The following RIMS2 variants were observed in gnomAD, a reference collection of about 807,000 sequenced individuals.
The protein encoded by RIMS2 is regulating synaptic membrane exocytosis 2, also known as regulating synaptic membrane exocytosis protein 2.
RIMS2 carries 59 observed loss-of-function variants against 174.4 expected under a neutral mutation model. That is an observed-to-expected ratio of 0.34 (90% confidence interval 0.27 to 0.42). The LOEUF is 0.42. Ranked by LOEUF, RIMS2 falls within the 10% of genes least tolerant of loss-of-function variation. The pLI, the probability that RIMS2 is intolerant of heterozygous loss-of-function variation, is 1.00. For synonymous variants in RIMS2, 606 were observed against 572.5 expected, an observed-to-expected ratio of 1.06 and a Z score of -0.84; for missense variants, 1,620 against 1,666.3, an observed-to-expected ratio of 0.97 and a Z score of 0.48.
chr8:103,575,600 CCA>C (rs955095701), intron 1 of RIMS2, among the ~76,000 whole-genome samples: 10 of 150,242 alleles, frequency 6.7e-5, no homozygotes, highest in South Asian at 2.1e-4. Flanking sequence ...CACTCCCCCA[CCA>C]CAGGAAATAT....
At chr8:103,511,676 G>C (rs1489207936) in intron 1 of RIMS2, among the ~76,000 whole-genome samples, 1 of 152,134 alleles carries the variant, frequency 6.6e-6, no homozygotes, top group African/African-American at 2.4e-5. Flanking sequence ...AGTAATCCAA[G>C]ATTTTTCTTT....
intron 1 of RIMS2, among the ~76,000 whole-genome samples, chr8:103,601,193 A>C (rs989582382): frequency 6.6e-6 from 1 of 152,094 alleles, no homozygotes; most frequent in African/African-American, 2.4e-5. Context: ...ATCCTTTGCT[A>C]TACAGAAGCT....
chr8:103,990,833 A>G (rs1356311422), intron 17 of RIMS2, among the ~76,000 whole-genome samples: 2 of 152,026 alleles, frequency 1.3e-5, no homozygotes, highest in South Asian at 2.1e-4. Flanking sequence ...TAATGAAAAA[A>G]TGGACTTTGT....
At chr8:104,223,508 G>A in intron 19 of RIMS2, 2 of 1,402,456 alleles carry the variant, frequency 1.4e-6, no homozygotes, top group Non-Finnish European at 9.2e-7. Context: ...GGCTGGGTCA[G>A]GGAGGCAGGG....
chr8:103,510,515 A>AAC (rs1389836394), intron 1 of RIMS2, among the ~76,000 whole-genome samples: 3 of 152,250 alleles, frequency 2.0e-5, no homozygotes, highest in African/African-American at 7.2e-5. Flanking sequence ...TGGGTTGTTG[A>AAC]AAGAATTACG....
chr8:103,734,022 T>A (rs1373805025), intron 2 of RIMS2, among the ~76,000 whole-genome samples: 1 of 107,298 alleles, frequency 9.3e-6, no homozygotes, highest in Admixed American at 8.3e-5. Flanking sequence ...TTCTTTTTTT[T>A]TTTTTTTTTT....
chr8:103,855,003 T>A (rs2099019776), intron 3 of RIMS2, among the ~76,000 whole-genome samples: 1 of 152,044 alleles, frequency 6.6e-6, no homozygotes, highest in South Asian at 2.1e-4. Context: ...TTTTTTTGGT[T>A]GGTAGGTTTT....
chr8:103,974,267 T>C (rs2093209636), intron 15 of RIMS2, among the ~76,000 whole-genome samples: 1 of 152,248 alleles, frequency 6.6e-6, no homozygotes, highest in African/African-American at 2.4e-5. Flanking sequence ...ATATTACATA[T>C]GAACAGTTGT....
intron 19 of RIMS2, among the ~76,000 whole-genome samples, chr8:104,162,034 C>T (rs2098765254): frequency 6.6e-6 from 1 of 152,190 alleles, no homozygotes; most frequent in Non-Finnish European, 1.5e-5. Flanking sequence ...ATTGGGCCCA[C>T]TCAGGTGATC....
intron 19 of RIMS2, among the ~76,000 whole-genome samples, chr8:104,057,436 C>A (rs2096889568): frequency 6.6e-6 from 1 of 152,050 alleles, no homozygotes; most frequent in Non-Finnish European, 1.5e-5. Context: ...AATAAAATTT[C>A]AGTTAGTCTG....
At chr8:104,086,303 A>T (rs952954625) in intron 19 of RIMS2, among the ~76,000 whole-genome samples, 4 of 136,112 alleles carry the variant, frequency 2.9e-5, no homozygotes, top group Admixed American at 1.6e-4. Context: ...CAGTTTTAGT[A>T]CATGATAGAA....
At chr8:104,185,825 T>C (rs1318168494) in intron 19 of RIMS2, among the ~76,000 whole-genome samples, 1 of 151,662 alleles carries the variant, frequency 6.6e-6, no homozygotes, top group East Asian at 1.9e-4. Context: ...GTATGAAGAT[T>C]TCTGAAATAA....
At chr8:103,565,015 C>T (rs896462014) in intron 1 of RIMS2, among the ~76,000 whole-genome samples, 1 of 152,092 alleles carries the variant, frequency 6.6e-6, no homozygotes, top group African/African-American at 2.4e-5. Flanking sequence ...TGTAGAGAAG[C>T]CTCATACTTG....
intron 19 of RIMS2, among the ~76,000 whole-genome samples, chr8:104,019,698 A>C (rs2096034342): frequency 6.6e-6 from 1 of 152,168 alleles, no homozygotes; most frequent in African/African-American, 2.4e-5. Context: ...AACTTTTAGA[A>C]TGTCACCCTT....
chr8:103,911,128 C>T (rs1305480534), intron 5 of RIMS2, among the ~76,000 whole-genome samples: 3 of 152,060 alleles, frequency 2.0e-5, no homozygotes, highest in East Asian at 3.9e-4. Flanking sequence ...TATCTTTTTA[C>T]AATATAGATG....
chr8:103,948,506 C>T (rs1031590925), intron 14 of RIMS2, among the ~76,000 whole-genome samples: 36 of 152,084 alleles, frequency 2.4e-4, no homozygotes, highest in South Asian at 6.2e-4. Flanking sequence ...AAAGAAGATA[C>T]GGCTACATAC....
intron 19 of RIMS2, among the ~76,000 whole-genome samples, chr8:104,068,884 AAAATGT>A (rs1233334916): frequency 6.6e-6 from 1 of 152,186 alleles, no homozygotes; most frequent in East Asian, 1.9e-4. Flanking sequence ...TAGCCCCTCA[AAAATGT>A]TTAAGAACTT....
chr8:103,878,564 CA>C (rs58035687), intron 3 of RIMS2, among the ~76,000 whole-genome samples: 7,418 of 151,858 alleles, frequency 0.049, 601 homozygotes, highest in African/African-American at 0.17. Context: ...GCTCTGATAT[CA>C]GAGTGATACT....
chr8:103,551,227 A>C (rs1847743137), intron 1 of RIMS2, among the ~76,000 whole-genome samples: 1 of 152,238 alleles, frequency 6.6e-6, no homozygotes, highest in Non-Finnish European at 1.5e-5. Context: ...TGAATCCAGC[A>C]GCACATCAAA....
Sources: gnomAD v4.1 joint callset for allele counts (sites outside exome capture counted in the v4.1 genomes callset) on GRCh38, gnomAD v4.1.1 for gene constraint, MANE v1.5 for transcripts, NCBI Gene and HGNC (gene_info 2026-07-23, HGNC 2026-07-21) for gene names.